Variants in HPSE2 observed in about 807,000 individuals in gnomAD.
HPSE2 encodes the protein inactive heparanase-2.
HPSE2 carries 38 observed loss-of-function variants against 60.5 expected under a neutral mutation model. The ratio of observed to expected loss-of-function variants is 0.63; its 90% CI spans 0.48 to 0.82. HPSE2 has a LOEUF of 0.82. Among genes scored for constraint, HPSE2 ranks in the 40% least tolerant of loss-of-function variants. The pLI is 0.00. For synonymous variants in HPSE2, 295 were observed against 293.2 expected, an observed-to-expected ratio of 1.01 and a Z score of -0.06; for missense variants, 713 against 740.4, an observed-to-expected ratio of 0.96 and a Z score of 0.43.
chr10:99,076,657 G>A (rs574152937), intron 3 of HPSE2, among the ~76,000 whole-genome samples: 1 of 152,054 alleles, frequency 6.6e-6, no homozygotes, highest in Non-Finnish European at 1.5e-5. Context: ...CAAAGTACTG[G>A]GATTACAGGT....
intron 3 of HPSE2, among the ~76,000 whole-genome samples, chr10:98,827,850 T>C (rs1343988390): frequency 6.6e-6 from 1 of 152,238 alleles, no homozygotes; most frequent in Non-Finnish European, 1.5e-5. Context: ...TCAAACATTA[T>C]TCTAGATGTT....
intron 3 of HPSE2, among the ~76,000 whole-genome samples, chr10:98,745,675 C>T (rs2134335269): frequency 6.6e-6 from 1 of 152,256 alleles, no homozygotes; most frequent in South Asian, 2.1e-4. Context: ...TTTTACTTGT[C>T]CTTTTACACA....
At chr10:98,712,395 C>T (rs920715652) in intron 5 of HPSE2, among the ~76,000 whole-genome samples, 1 of 151,880 alleles carries the variant, frequency 6.6e-6, no homozygotes, top group Non-Finnish European at 1.5e-5. Context: ...TCAAAAGTGC[C>T]TTGGGCCCAT....
At chr10:99,110,152 GA>G (rs893783091) in intron 3 of HPSE2, among the ~76,000 whole-genome samples, 2 of 152,124 alleles carry the variant, frequency 1.3e-5, no homozygotes, top group Non-Finnish European at 2.9e-5. Context: ...TATTTTAAAA[GA>G]AAAAGACATG....
chr10:98,714,813 G>C (rs4379759), intron 5 of HPSE2, among the ~76,000 whole-genome samples: 143,687 of 151,914 alleles, frequency 0.95, 68,445 homozygotes, highest in East Asian at 1. Context: ...TATACGGGTT[G>C]CAATTTTTCT....
At chr10:98,675,031 T>TA (rs925167257) in intron 6 of HPSE2, among the ~76,000 whole-genome samples, 3 of 152,212 alleles carry the variant, frequency 2.0e-5, no homozygotes, top group African/African-American at 7.2e-5. Context: ...TTAATAATTA[T>TA]AAAAAACGTA....
At chr10:98,964,408 G>A (rs904694050) in intron 3 of HPSE2, among the ~76,000 whole-genome samples, 1 of 152,090 alleles carries the variant, frequency 6.6e-6, no homozygotes, top group Non-Finnish European at 1.5e-5. Flanking sequence ...AACAGTAATT[G>A]TCATTGTTTT....
At chr10:99,130,030 G>C (rs1007044780) in intron 3 of HPSE2, among the ~76,000 whole-genome samples, 1 of 151,914 alleles carries the variant, frequency 6.6e-6, no homozygotes, top group African/African-American at 2.4e-5. Context: ...AAAATTTACA[G>C]GACATGGATA....
rs774692999 is a variant in HPSE2, at chr10:99,013,473, G to GATT, written c.610+130762_610+130764dup. 232 of 418,738 alleles carry GATT rather than the reference G, an allele frequency of 5.5e-4. 3 individuals carry two copies. The highest frequency in any genetic ancestry group is 1.6e-4 in the Non-Finnish European group (35 of 219,542). 25.9% of individuals were successfully genotyped at this position (418,738 alleles called of 1,614,324 possible). A position where few individuals can be genotyped will look rare whatever the true frequency, so the allele number is the denominator to read the frequency against. ...AGGAAATGTATATTATTATGATTAT[G>GATT]ATTATTATTATTATTTGAGATACAG... On this transcript the variant is annotated intron_variant, in intron 3 of 11. Coordinates refer to ENST00000370552, the MANE Select transcript of HPSE2 (RefSeq NM_021828.5).
chr10:98,595,182 T>C lies in HPSE2; in HGVS notation c.1320+19722A>G, dbSNP rs1173967647. Among the ~76,000 whole-genome samples the C allele has an allele frequency of 3.4e-5, 5 of 147,724 alleles. 1 individual carries two copies. In the East Asian group the frequency reaches 8.0e-4, roughly 24 times the overall value. ...AAATGAGATTTTTTTTTTTTTTTTT[T>C]TTTTTGAGACGGAGTCTCGCTCTGT... On this transcript the variant is annotated intron_variant, in intron 9 of 11. Transcript: ENST00000370552.
At chr10:99,192,939 C>G (rs371688393) in intron 2 of HPSE2, among the ~76,000 whole-genome samples, 4 of 151,984 alleles carry the variant, frequency 2.6e-5, no homozygotes, top group African/African-American at 9.7e-5. Flanking sequence ...AATAAGAAAA[C>G]ATCTGAAAGT....
chr10:98,674,983 C>T (rs1191381311), intron 6 of HPSE2, among the ~76,000 whole-genome samples: 3 of 152,146 alleles, frequency 2.0e-5, no homozygotes, highest in Non-Finnish European at 4.4e-5. Context: ...CTACAACATA[C>T]TAAACATTTA....
At chr10:99,053,264 CA>C (rs1958031634) in intron 3 of HPSE2, among the ~76,000 whole-genome samples, 1 of 151,890 alleles carries the variant, frequency 6.6e-6, no homozygotes, top group African/African-American at 2.4e-5. Context: ...TATGCCGTTG[CA>C]AAACTTTTCC....
chr10:98,804,428 C>A (rs115684953), intron 3 of HPSE2, among the ~76,000 whole-genome samples: 1,808 of 152,006 alleles, frequency 0.012, 24 homozygotes, highest in African/African-American at 0.041. Context: ...CCAAACAACT[C>A]TACAGGAAAA....
chr10:98,630,825 A>T (rs1946349521), intron 7 of HPSE2, among the ~76,000 whole-genome samples: 1 of 152,230 alleles, frequency 6.6e-6, no homozygotes, highest in Non-Finnish European at 1.5e-5. Context: ...CAGAGAAGAT[A>T]ACTAATAATC....
rs920747976 is a variant in HPSE2, at chr10:99,131,801, G to A, written c.610+12437C>T. 3.3e-4 allele frequency among the ~76,000 whole-genome samples: 50 copies of A among 152,136 alleles called. 1 individual carries two copies. The highest frequency in any genetic ancestry group is 2.0e-3 in the Admixed American group (30 of 15,272). On this transcript the variant is annotated intron_variant, in intron 3 of 11. Coordinates refer to ENST00000370552, the MANE Select transcript of HPSE2 (RefSeq NM_021828.5). ...AGTGTACACTGCTTGGGTGATGAGT[G>A]CACCAAAATCTCAGAAATCACAACT...
intron 3 of HPSE2, among the ~76,000 whole-genome samples, chr10:98,745,821 T>G (rs535759161): frequency 9.2e-5 from 14 of 152,140 alleles, no homozygotes; most frequent in Non-Finnish European, 2.1e-4. Flanking sequence ...TCAAATGGGG[T>G]TCTGTGAAAC....
chr10:99,098,687 G>GA (rs1487598369), intron 3 of HPSE2, among the ~76,000 whole-genome samples: 4 of 152,056 alleles, frequency 2.6e-5, no homozygotes, highest in Non-Finnish European at 5.9e-5. Flanking sequence ...ATTACACATA[G>GA]AAAATATGTT....
At chr10:98,469,914 T>C (rs1940705694) in intron 11 of HPSE2, among the ~76,000 whole-genome samples, 1 of 152,278 alleles carries the variant, frequency 6.6e-6, no homozygotes, top group South Asian at 2.1e-4. Flanking sequence ...ATCTCTCTCT[T>C]TCTCATAATC....
Sources: gnomAD v4.1 joint callset for allele counts (sites outside exome capture counted in the v4.1 genomes callset) on GRCh38, gnomAD v4.1.1 for gene constraint, MANE v1.5 for transcripts, NCBI Gene and HGNC (gene_info 2026-07-23, HGNC 2026-07-21) for gene names.